Variants in COPG2 observed in about 807,000 individuals in gnomAD.
COPG2 encodes the protein coatomer subunit gamma-2.
In COPG2, 37 loss-of-function variants were observed where a neutral mutation model predicts 46.3. The ratio of observed to expected loss-of-function variants is 0.80; its 90% CI spans 0.61 to 1.05. The LOEUF (loss-of-function observed/expected upper bound fraction) is 1.05. Among genes scored for constraint, COPG2 ranks in the 50% least tolerant of loss-of-function variants. The pLI is 0.00. For missense variants in COPG2, 427 were observed against 387.8 expected (o/e 1.10, Z -0.85); for synonymous variants, 159 against 129.7 (o/e 1.23, Z -1.53).
At chr7:130,659,381 C>T (rs1195315295) in intron 4 of COPG2, among the ~76,000 whole-genome samples, 1 of 73,838 alleles carries the variant, frequency 1.4e-5, no homozygotes, top group Non-Finnish European at 3.2e-5. Flanking sequence ...AACAAACAAG[C>T]ATTATCTAGA....
rs1202763290 is a variant in COPG2 at position 130,562,008 on chromosome 7, A to G, written c.940-787T>C. ...AAAATTTAACTAAAAGCAAATTCTG[A>G]GACACATCTGGCCCCAAGATTAGAG... On this transcript the variant is annotated intron_variant, in intron 11 of 23. Transcript: ENST00000425248. 2.0e-5 allele frequency among the ~76,000 whole-genome samples: 3 copies of G among 152,310 alleles called. No individual in the cohort carries two copies. The East Asian group carries it at 5.8e-4, about 29-fold the overall frequency.
intron 5 of COPG2, among the ~76,000 whole-genome samples, chr7:130,651,362 G>C (rs766325217): frequency 1.1e-3 from 168 of 151,798 alleles, no homozygotes; most frequent in African/African-American, 3.8e-3. Context: ...TGTCACCCAG[G>C]CTGGAGTGCA....
At chr7:130,534,722 T>G (rs952970917) in intron 20 of COPG2, among the ~76,000 whole-genome samples, 2 of 152,218 alleles carry the variant, frequency 1.3e-5, no homozygotes, top group East Asian at 3.9e-4. Context: ...TCTTAAATCC[T>G]AAACACAGGT....
At chr7:130,572,315 C>T (rs1584977732) in intron 9 of COPG2, among the ~76,000 whole-genome samples, 2 of 152,200 alleles carry the variant, frequency 1.3e-5, no homozygotes, top group South Asian at 4.1e-4. Flanking sequence ...AACAACTAAG[C>T]AGAAAATCAT....
chr7:130,540,140 T>C (rs1373555317), intron 20 of COPG2, among the ~76,000 whole-genome samples: 12 of 150,618 alleles, frequency 8.0e-5, no homozygotes, highest in African/African-American at 2.7e-4. Context: ...GGAGAGGAGG[T>C]AGGGAACCAG....
intron 12 of COPG2, among the ~76,000 whole-genome samples, chr7:130,555,469 T>C (rs939668446): frequency 6.6e-6 from 1 of 152,140 alleles, no homozygotes. Flanking sequence ...CATAGAAGAA[T>C]AGAGAAAGCT....
At chr7:130,513,321 A>ATATGTGTGTGTGTGTG (rs1554441296) in intron 20 of COPG2, among the ~76,000 whole-genome samples, 3 of 42,700 alleles carry the variant, frequency 7.0e-5, no homozygotes, top group East Asian at 7.1e-4. Context: ...ATATATATAT[A>ATATGTGTGTGTGTGTG]TATATATATA....
rs146735957 is a variant in COPG2, at chr7:130,571,338, C to T, written c.738-6945G>A. Reference sequence around the variant, plus strand: ...ATCCAGAAACTACAAGGACCTCAAACAAATCAGCAAGAAAAAAACAAATAA... The same window carrying T: ...ATCCAGAAACTACAAGGACCTCAAATAAATCAGCAAGAAAAAAACAAATAA... On this transcript the variant is annotated intron_variant, in intron 9 of 23. Transcript: ENST00000425248. Among the ~76,000 whole-genome samples, 967 of 152,128 alleles carry T rather than the reference C, an allele frequency of 6.4e-3. 5 individuals carry two copies. The highest frequency in any genetic ancestry group is 0.022 in the African/African-American group (913 of 41,510).
chr7:130,624,927 C>T (rs1795092503), intron 5 of COPG2, among the ~76,000 whole-genome samples: 1 of 152,108 alleles, frequency 6.6e-6, no homozygotes, highest in African/African-American at 2.4e-5. Context: ...GAGTAGATAC[C>T]CAGTAGTGGG....
chr7:130,652,417 T>C (rs1795765460), intron 5 of COPG2, among the ~76,000 whole-genome samples: 1 of 152,234 alleles, frequency 6.6e-6, no homozygotes, highest in Non-Finnish European at 1.5e-5. Flanking sequence ...AAAAATATTA[T>C]ACCTCATTCT....
intron 5 of COPG2, among the ~76,000 whole-genome samples, chr7:130,643,151 C>T (rs1554457591): frequency 6.6e-6 from 1 of 151,656 alleles, no homozygotes; most frequent in East Asian, 1.9e-4. Flanking sequence ...AAATATTAGC[C>T]AGGCGTGGTG....
At chr7:130,540,189 T>C (rs1358713905) in intron 20 of COPG2, among the ~76,000 whole-genome samples, 3 of 152,028 alleles carry the variant, frequency 2.0e-5, no homozygotes, top group Non-Finnish European at 2.9e-5. Flanking sequence ...TGGAGGAAAC[T>C]TTCTTATTTA....
At chr7:130,648,097 G>A (rs913906239) in intron 5 of COPG2, among the ~76,000 whole-genome samples, 1 of 151,952 alleles carries the variant, frequency 6.6e-6, no homozygotes, top group African/African-American at 2.4e-5. Flanking sequence ...GTGCTTATTG[G>A]CCATTTGCAT....
intron 5 of COPG2, among the ~76,000 whole-genome samples, chr7:130,618,100 C>CAA (rs10695449): frequency 9.3e-5 from 6 of 64,598 alleles, no homozygotes; most frequent in Admixed American, 4.4e-4. Flanking sequence ...GACCCTGTCT[C>CAA]AAAAAAAAAA....
In COPG2 at chr7:130,668,739, C is replaced by G. The variant is rs567586188; in HGVS notation, c.-71G>C. On this transcript the variant is annotated 5_prime_UTR_variant, in exon 1 of 24. Coordinates refer to ENST00000425248, the MANE Select transcript of COPG2 (RefSeq NM_012133.6). ...CGCCGCAGCCGGCGAGCGGAAGAGGCTGCAGGAAGGCCGGCCCCGCGCTCT... is the reference window on the plus strand; with the variant it reads ...CGCCGCAGCCGGCGAGCGGAAGAGGGTGCAGGAAGGCCGGCCCCGCGCTCT... 7 of 1,481,506 alleles carry G rather than the reference C, an allele frequency of 4.7e-6. No homozygotes were observed. Among genetic ancestry groups the G allele is most frequent in the Non-Finnish European group, 6.3e-6 (7 of 1,108,424 alleles). The allele number at this position is 1,481,506 out of a possible 1,614,324, so 91.8% of individuals were successfully genotyped here. A position where few individuals can be genotyped will look rare whatever the true frequency, so the allele number is the denominator to read the frequency against.
At chr7:130,560,795 A>G (rs1793706547) in intron 12 of COPG2, among the ~76,000 whole-genome samples, 1 of 152,250 alleles carries the variant, frequency 6.6e-6, no homozygotes, top group African/African-American at 2.4e-5. Context: ...ACAAACAGTA[A>G]TTCAAGTTGG....
At chr7:130,657,513 G>A (rs1288465758) in intron 4 of COPG2, among the ~76,000 whole-genome samples, 1 of 152,024 alleles carries the variant, frequency 6.6e-6, no homozygotes, top group African/African-American at 2.4e-5. Context: ...AGCATCACCT[G>A]TAACAGAAAA....
chr7:130,518,988 A>G lies in COPG2; in HGVS notation c.2150-10329T>C, dbSNP rs1368049372. ...ACCACTGCACTCCAGCCTGGGCAACAGAGTGAGACTCTGTCTCAAAAAAAA... is the reference window on the plus strand; with the variant it reads ...ACCACTGCACTCCAGCCTGGGCAACGGAGTGAGACTCTGTCTCAAAAAAAA... On this transcript the variant is annotated intron_variant, in intron 20 of 23. Coordinates refer to ENST00000425248, the MANE Select transcript of COPG2 (RefSeq NM_012133.6). Among the ~76,000 whole-genome samples the G allele has an allele frequency of 3.0e-4, 41 of 137,104 alleles. 1 individual carries two copies. In the South Asian group the frequency reaches 3.8e-3, roughly 13 times the overall value. 89.9% of individuals were successfully genotyped at this position (137,104 alleles called of 152,430 possible).
chr7:130,537,838 A>G (rs1047788508), intron 20 of COPG2, among the ~76,000 whole-genome samples: 23 of 152,280 alleles, frequency 1.5e-4, no homozygotes, highest in Admixed American at 9.8e-4. Context: ...CACGGAAGGA[A>G]TGAAGGAGAG....
Sources: allele counts gnomAD v4.1 joint callset (sites outside exome capture counted in the v4.1 genomes callset), GRCh38; gene constraint gnomAD v4.1.1; transcripts MANE v1.5; gene names NCBI Gene and HGNC (gene_info 2026-07-23, HGNC 2026-07-21).